The following IRF4 variants were observed in gnomAD, a reference collection of about 807,000 sequenced individuals.
The protein encoded by IRF4 is lymphocyte-specific interferon regulatory factor.
In IRF4, 13 loss-of-function variants were observed where a neutral mutation model predicts 55.5. The observed-to-expected ratio is 0.23, with a 90% CI of 0.15 to 0.37. The LOEUF (loss-of-function observed/expected upper bound fraction) is 0.37, where lower values mean the gene tolerates loss of function less well. Ranked by LOEUF, IRF4 falls within the 10% of genes least tolerant of loss-of-function variation. IRF4 has a pLI of 1.00. For synonymous variants in IRF4, 249 were observed against 240.7 expected (o/e 1.03, Z -0.32); for missense variants, 397 against 593.8 (o/e 0.67, Z 3.44).
intron 6 of IRF4, among the ~76,000 whole-genome samples, chr6:399,789 G>A (rs1761354005): frequency 6.6e-6 from 1 of 152,198 alleles, no homozygotes; most frequent in African/African-American, 2.4e-5. Flanking sequence ...GAGGGGAGCT[G>A]GAGTTTGACC....
Position 393,426 on chromosome 6 carries a change from GGGGTCCCC to G in IRF4, c.216+61_216+68del. On this transcript the variant is annotated intron_variant, in intron 2 of 8. Transcript: ENST00000380956. This position sits in a 1 kb window ranked among gnomAD's most constrained non-coding sequence, Gnocchi z 5.4. ...CGGGGAGGGCCCAGAGACAGAGCCC[GGGGTCCCC>G]GGCGCCGCCTCCGAGGCGAGCCCAG... The G allele has an allele frequency of 7.8e-7, 1 of 1,278,582 alleles. No homozygotes were observed. The highest frequency in any genetic ancestry group is 1.0e-6 in the Non-Finnish European group (1 of 972,388). 79.2% of individuals were successfully genotyped at this position (1,278,582 alleles called of 1,614,324 possible).
chr6:397,356 C>A, intron 5 of IRF4, 104 bp downstream of exon 5: 1 of 1,378,410 alleles, frequency 7.3e-7, no homozygotes. Context: ...GCTCTTTCCC[C>A]TTCTTAGAGG....
intron 6 of IRF4, among the ~76,000 whole-genome samples, chr6:400,904 A>G (rs1379375746): frequency 6.6e-6 from 1 of 152,186 alleles, no homozygotes; most frequent in Non-Finnish European, 1.5e-5. Context: ...AAACACCGTT[A>G]TATTTTTTGC....
intron 8 of IRF4, 31 bp downstream of exon 8, chr6:405,161 G>T: frequency 8.3e-7 from 1 of 1,200,672 alleles, no homozygotes; most frequent in Non-Finnish European, 1.2e-6. Flanking sequence ...CTACCATAGT[G>T]GCTTCCTGTT....
intron 3 of IRF4, 100 bp from the exon 4 acceptor site, chr6:395,747 C>T (rs1408408480): frequency 1.2e-6 from 1 of 860,492 alleles, no homozygotes; most frequent in Non-Finnish European, 1.9e-6. Context: ...GTTATGCATT[C>T]TAAGAATTAA....
chr6:406,346 A>C (rs1163540845), intron 8 of IRF4, among the ~76,000 whole-genome samples: 4 of 152,210 alleles, frequency 2.6e-5, no homozygotes, highest in Admixed American at 2.0e-4. Flanking sequence ...GTTCGAGACC[A>C]GCCTGACCAA....
intron 7 of IRF4, among the ~76,000 whole-genome samples, chr6:402,400 A>G (rs67224990): frequency 0.081 from 12,202 of 151,214 alleles, 591 homozygotes; most frequent in African/African-American, 0.13. Flanking sequence ...GGGCTTCCTC[A>G]CTGGCTTTGT....
rs1316983207 is a variant in IRF4, at chr6:410,455, A to G, written c.*2857A>G. On this transcript the variant is annotated 3_prime_UTR_variant, in exon 9 of 9. Coordinates refer to ENST00000380956, the MANE Select transcript of IRF4 (RefSeq NM_002460.4). The stretch of plus-strand genomic sequence containing the variant: ...ACTATTGGGTATGAACTAAAAAGAG[A>G]CTGTGCCATGGTGAGAAAAATGTAA... The G allele has an allele frequency of 8.7e-6, 2 of 229,058 alleles. No homozygotes were observed. Among genetic ancestry groups the G allele is most frequent in the African/African-American group, 4.4e-5 (2 of 45,140 alleles). 14.2% of individuals were successfully genotyped at this position (229,058 alleles called of 1,614,324 possible). A position where few individuals can be genotyped will look rare whatever the true frequency, so the allele number is the denominator to read the frequency against.
intron 7 of IRF4, 23 bp from the exon 8 acceptor site, chr6:404,995 C>G: frequency 6.7e-7 from 1 of 1,485,854 alleles, no homozygotes; most frequent in Non-Finnish European, 9.4e-7. Context: ...TGAACATGGT[C>G]TCTTTCTTGT....
At chr6:394,780 A>C (rs2127436897) in intron 2 of IRF4, 41 bp from the exon 3 acceptor site, 1 of 1,569,102 alleles carries the variant, frequency 6.4e-7, no homozygotes, top group South Asian at 1.2e-5. Context: ...TAAACCAGAC[A>C]TGTATTTTGA....
intron 5 of IRF4, among the ~76,000 whole-genome samples, chr6:398,216 C>A (rs1364651819): frequency 6.6e-6 from 1 of 152,144 alleles, no homozygotes; most frequent in African/African-American, 2.4e-5. Flanking sequence ...GAATTAGTAA[C>A]CATGGGAAAG....
chr6:396,553 T>A (rs984890702), intron 4 of IRF4, among the ~76,000 whole-genome samples: 1 of 151,694 alleles, frequency 6.6e-6, no homozygotes, highest in Non-Finnish European at 1.5e-5. Flanking sequence ...TCAATGCCAG[T>A]GCTTCTTATC....
In IRF4 at chr6:410,612, G is replaced by A. The variant is rs1304855016; in HGVS notation, c.*3014G>A. On this transcript the variant is annotated 3_prime_UTR_variant, in exon 9 of 9. Coordinates refer to ENST00000380956, the MANE Select transcript of IRF4 (RefSeq NM_002460.4). ...AGCCCCAGGGGTGGAACAACTCTGG[G>A]AGTCTTGGGTACTCGCACCTCTTGG... 1 of 231,044 alleles carries A rather than the reference G, an allele frequency of 4.3e-6. No individual in the cohort carries two copies. Among genetic ancestry groups the A allele is most frequent in the East Asian group, 6.1e-5 (1 of 16,460 alleles). The allele number at this position is 231,044 out of a possible 1,614,324, so 14.3% of individuals were successfully genotyped here.
Position 410,328 on chromosome 6 carries a change from T to C in IRF4, c.*2730T>C, listed in dbSNP as rs568665788. The C allele has an allele frequency of 3.2e-4, 73 of 227,384 alleles. 1 individual carries two copies. The East Asian group carries it at 4.6e-3, about 14-fold the overall frequency. 14.1% of individuals were successfully genotyped at this position (227,384 alleles called of 1,614,324 possible). A position where few individuals can be genotyped will look rare whatever the true frequency, so the allele number is the denominator to read the frequency against. On this transcript the variant is annotated 3_prime_UTR_variant, in exon 9 of 9. Transcript: ENST00000380956. The stretch of plus-strand genomic sequence containing the variant: ...GTAATTAATATCTCCTGGAACACTA[T>C]AGAGAACCAAGTGACCGACTCATTT...
chr6:401,446 G>A lies in IRF4; in HGVS notation c.768G>A (p.Leu256=), dbSNP rs115625962. Residue 256 remains leucine, a synonymous_variant, in exon 7 of 9, where the codon CTG becomes CTA. Transcript: ENST00000380956. ...AFSDCRLHIC[L]YYREILVKEL... is the part of the protein sequence containing the mutation. ...CAGACTGCCGGCTGCACATCTGCCT[G>A]TACTACCGGGAAATCCTCGTGAAGG... The A allele has an allele frequency of 1.6e-4, 263 of 1,613,334 alleles. 1 individual carries two copies. The African/African-American group carries it at 3.0e-3, about 19-fold the overall frequency.
At position 393,293 on chromosome 6, in the gene IRF4, G is replaced by T; in HGVS notation, c.141G>T (p.Lys47Asn). The change falls in exon 2 of 9, where the codon AAG becomes AAT. Residue 47 changes from lysine (K) to asparagine (N), a missense_variant. Transcript: ENST00000380956. This position sits in a 1 kb window ranked among gnomAD's most constrained non-coding sequence, Gnocchi z 5.4. ...YPGLVWENEE[K>N]SIFRIPWKHA... ...GGCTGGTGTGGGAGAACGAGGAGAA[G>T]AGCATCTTCCGCATCCCCTGGAAGC... The T allele has an allele frequency of 6.2e-7, 1 of 1,607,648 alleles. No homozygotes were observed.
chr6:396,141 C>G, intron 4 of IRF4: 1 of 561,642 alleles, frequency 1.8e-6, no homozygotes, highest in Non-Finnish European at 3.2e-6. Context: ...TGGGGAGGGT[C>G]GGGCGTGTCC....
At position 392,993 on chromosome 6, in the gene IRF4, C is replaced by T. The variant is rs530534774; in HGVS notation, c.-55-105C>T. 49 of 636,978 alleles carry T rather than the reference C, an allele frequency of 7.7e-5. 1 individual carries two copies. In the South Asian group the frequency reaches 1.1e-3, roughly 14 times the overall value. The allele number at this position is 636,978 out of a possible 1,614,324, so 39.5% of individuals were successfully genotyped here. ...CCTGACACGGCACGCGCGCGCTTCG[C>T]AGCCTCAAAGACTCCGGGGCCTCGT... On this transcript the variant is annotated intron_variant, in intron 1 of 8. Transcript: ENST00000380956.
intron 7 of IRF4, among the ~76,000 whole-genome samples, chr6:403,741 G>A (rs1761468394): frequency 6.6e-6 from 1 of 152,248 alleles, no homozygotes; most frequent in Non-Finnish European, 1.5e-5. Flanking sequence ...GGAGGATGCT[G>A]TGAACGTAAA....
Sources: allele counts gnomAD v4.1 joint callset (sites outside exome capture counted in the v4.1 genomes callset), GRCh38; gene constraint gnomAD v4.1.1; non-coding constraint Gnocchi (gnomAD v3.1); transcripts MANE v1.5; gene names NCBI Gene and HGNC (gene_info 2026-07-23, HGNC 2026-07-21).